PIK3CB: variants seen among roughly 807,000 people sequenced by gnomAD.
PIK3CB encodes phosphatidylinositol-4,5-bisphosphate 3-kinase catalytic subunit beta, also known as phosphatidylinositol 4,5-bisphosphate 3-kinase catalytic subunit beta isoform.
PIK3CB carries 39 observed loss-of-function variants against 136.8 expected under a neutral mutation model. The observed-to-expected ratio is 0.29, with a 90% CI of 0.22 to 0.37. PIK3CB has a LOEUF of 0.37. PIK3CB is among the 10% of genes least tolerant of loss of function. The pLI is 1.00. For missense variants in PIK3CB, 868 were observed against 1,275.4 expected (o/e 0.68, Z 4.87); for synonymous variants, 428 against 436.6 (o/e 0.98, Z 0.25).
intron 21 of PIK3CB, among the ~76,000 whole-genome samples, chr3:138,660,226 C>T (rs192758292): frequency 6.6e-6 from 1 of 152,214 alleles, no homozygotes. Flanking sequence ...TGTCATCAGG[C>T]CTGAAGGCAT....
At chr3:138,762,986 AT>A (rs1245688138) in intron 2 of PIK3CB, among the ~76,000 whole-genome samples, 1 of 151,664 alleles carries the variant, frequency 6.6e-6, no homozygotes, top group East Asian at 1.9e-4. Context: ...CAATAAAAAA[AT>A]ATATATATAT....
intron 2 of PIK3CB, among the ~76,000 whole-genome samples, chr3:138,781,293 A>C (rs1051775956): frequency 1.1e-4 from 16 of 148,016 alleles, no homozygotes; most frequent in Non-Finnish European, 2.3e-4. Flanking sequence ...TCTTATCTCA[A>C]AAAAAAAAAA....
At chr3:138,811,614 C>CG (rs1388174045) in intron 1 of PIK3CB, among the ~76,000 whole-genome samples, 24 of 152,002 alleles carry the variant, frequency 1.6e-4, no homozygotes, top group Admixed American at 2.6e-4. Context: ...TTAGTAGAGA[C>CG]GGGGTCTCAC....
chr3:138,688,817 T>C, intron 16 of PIK3CB, 58 bp downstream of exon 16: 1 of 1,005,540 alleles, frequency 9.9e-7, no homozygotes, highest in Non-Finnish European at 1.6e-6. Context: ...CTGATATTCA[T>C]GCTTTAAACG....
intron 1 of PIK3CB, among the ~76,000 whole-genome samples, chr3:138,823,870 C>G (rs758498542): frequency 6.6e-6 from 1 of 152,052 alleles, no homozygotes; most frequent in Non-Finnish European, 1.5e-5. Flanking sequence ...ACAAATGTAT[C>G]AAAATGGAGT....
At chr3:138,659,397 C>A (rs940221746) in intron 21 of PIK3CB, among the ~76,000 whole-genome samples, 1 of 151,924 alleles carries the variant, frequency 6.6e-6, no homozygotes, top group African/African-American at 2.4e-5. Flanking sequence ...GCCTGTGGTC[C>A]CCCAGCTGCC....
At chr3:138,703,134 A>C (rs147433969) in intron 12 of PIK3CB, among the ~76,000 whole-genome samples, 1 of 152,360 alleles carries the variant, frequency 6.6e-6, no homozygotes, top group East Asian at 1.9e-4. Context: ...CGTAAACTGT[A>C]AAGACTAGGA....
chr3:138,671,219 C>G (rs1290532479), intron 19 of PIK3CB, among the ~76,000 whole-genome samples: 1 of 152,070 alleles, frequency 6.6e-6, no homozygotes. Flanking sequence ...GATATGTAAG[C>G]CTATACGATA....
At chr3:138,693,754 A>T (rs1475903781) in intron 14 of PIK3CB, among the ~76,000 whole-genome samples, 1 of 151,728 alleles carries the variant, frequency 6.6e-6, no homozygotes, top group Non-Finnish European at 1.5e-5. Context: ...GGCAAGACAC[A>T]TTTGTGTAAT....
At chr3:138,670,954 T>C (rs1237420339) in intron 19 of PIK3CB, among the ~76,000 whole-genome samples, 1 of 152,092 alleles carries the variant, frequency 6.6e-6, no homozygotes, top group African/African-American at 2.4e-5. Context: ...AAATTATTTC[T>C]TTTTTTAAAA....
chr3:138,673,624 T>G (rs1190011325), intron 19 of PIK3CB, among the ~76,000 whole-genome samples: 1 of 152,142 alleles, frequency 6.6e-6, no homozygotes, highest in Non-Finnish European at 1.5e-5. Context: ...AAATCAACTA[T>G]TTTAGAGTTC....
chr3:138,811,290 A>C, intron 1 of PIK3CB, among the ~76,000 whole-genome samples: 1 of 149,000 alleles, frequency 6.7e-6, no homozygotes, highest in African/African-American at 2.5e-5. Flanking sequence ...TCATGGCACC[A>C]CTAAGGACAA....
intron 1 of PIK3CB, among the ~76,000 whole-genome samples, chr3:138,802,317 T>C (rs2046185754): frequency 1.3e-5 from 2 of 149,004 alleles, no homozygotes; most frequent in East Asian, 2.0e-4. Flanking sequence ...GAGGTGGAGG[T>C]TGCAGTGAGC....
intron 11 of PIK3CB, among the ~76,000 whole-genome samples, chr3:138,705,132 G>A: frequency 1.1e-5 from 1 of 93,944 alleles, no homozygotes. Context: ...CTTCAAGAAA[G>A]ACTCTCCAAG....
chr3:138,684,762 G>C lies in PIK3CB; in HGVS notation c.2178C>G (p.Ile726Met). Reference sequence around the variant, plus strand: ...TGTTTAACTTCACGGCATTCAGTTTGATTAAACTATTTAAAGTTTTTAACT... The same window carrying C: ...TGTTTAACTTCACGGCATTCAGTTTCATTAAACTATTTAAAGTTTTTAACT... ...LNKLKTLNSL[I>M]KLNAVKLNRA... is the part of the protein sequence containing the mutation. The change falls in exon 17 of 24, where the codon ATC becomes ATG. Residue 726 changes from isoleucine (I) to methionine (M), a missense_variant. Coordinates refer to ENST00000674063, the MANE Select transcript of PIK3CB (RefSeq NM_006219.3). The C allele has an allele frequency of 1.2e-6, 2 of 1,613,836 alleles. No homozygotes were observed. Among genetic ancestry groups the C allele is most frequent in the Non-Finnish European group, 8.5e-7 (1 of 1,179,848 alleles).
chr3:138,706,525 AAAC>A (rs781626944), intron 11 of PIK3CB, among the ~76,000 whole-genome samples: 11 of 152,360 alleles, frequency 7.2e-5, no homozygotes, highest in Admixed American at 1.3e-4. Flanking sequence ...TTAATATTTG[AAAC>A]AACATTTTAT....
At chr3:138,720,346 T>C (rs2044700727) in intron 8 of PIK3CB, among the ~76,000 whole-genome samples, 1 of 152,154 alleles carries the variant, frequency 6.6e-6, no homozygotes, top group African/African-American at 2.4e-5. Context: ...AAGGAAAACT[T>C]TGTAGCCATC....
At chr3:138,789,330 G>A (rs1339814151) in intron 2 of PIK3CB, among the ~76,000 whole-genome samples, 1 of 152,066 alleles carries the variant, frequency 6.6e-6, no homozygotes, top group Non-Finnish European at 1.5e-5. Flanking sequence ...GTGGTGGTGG[G>A]CACCTGTAGT....
At chr3:138,697,771 C>G (rs2108526613) in intron 13 of PIK3CB, among the ~76,000 whole-genome samples, 1 of 152,110 alleles carries the variant, frequency 6.6e-6, no homozygotes, top group South Asian at 2.1e-4. Flanking sequence ...AGGTCTCACT[C>G]TATTGCCCAG....
Sources: gnomAD v4.1 joint callset for allele counts (sites outside exome capture counted in the v4.1 genomes callset) on GRCh38, gnomAD v4.1.1 for gene constraint, MANE v1.5 for transcripts, NCBI Gene and HGNC (gene_info 2026-07-23, HGNC 2026-07-21) for gene names.